Variants in MAJIN observed in about 807,000 individuals in gnomAD.
MAJIN encodes the protein membrane-anchored junction protein.
Under a neutral mutation model 30.2 loss-of-function variants are expected in MAJIN, and 27 were observed. That is an observed-to-expected ratio of 0.89 (90% confidence interval 0.66 to 1.23). The LOEUF is 1.23. Among genes scored for constraint, MAJIN ranks in the 50% most tolerant of loss-of-function variants. The pLI is 0.00. For synonymous variants in MAJIN, 78 were observed against 91.6 expected, an observed-to-expected ratio of 0.85 and a Z score of 0.85; for missense variants, 253 against 260.3, an observed-to-expected ratio of 0.97 and a Z score of 0.19.
At chr11:64,939,222 C>T (rs571911637) in intron 10 of MAJIN, among the ~76,000 whole-genome samples, 4 of 152,330 alleles carry the variant, frequency 2.6e-5, no homozygotes, top group East Asian at 1.9e-4. Flanking sequence ...CTCAGCCTCC[C>T]TCCCAAGTAG....
At chr11:64,954,856 G>C in intron 3 of MAJIN, 54 bp from the exon 4 acceptor site, 1 of 1,501,094 alleles carries the variant, frequency 6.7e-7, no homozygotes, top group South Asian at 1.3e-5. Context: ...GCTCTGGAGA[G>C]AGTAGACTCT....
At chr11:64,968,632 A>C (rs879623804) in intron 1 of MAJIN, among the ~76,000 whole-genome samples, 1 of 151,684 alleles carries the variant, frequency 6.6e-6, no homozygotes, top group Non-Finnish European at 1.5e-5. Context: ...CAGGAGATCG[A>C]GACCATCCTG....
Position 64,938,358 on chromosome 11 carries a change from C to A in MAJIN, c.*217G>T. On this transcript the variant is annotated 3_prime_UTR_variant, in exon 11 of 11. Coordinates refer to ENST00000301896, the MANE Select transcript of MAJIN (RefSeq NM_001037225.3). The stretch of plus-strand genomic sequence containing the variant: ...AATGTTTTAAATTGGGGGAAAAAAT[C>A]TATTATAAAGGGGCAAAGGACACGA... 1 of 669,466 alleles carries A rather than the reference C, an allele frequency of 1.5e-6. No homozygotes were observed. Among genetic ancestry groups the A allele is most frequent in the Non-Finnish European group, 2.4e-6 (1 of 412,868 alleles). The allele number at this position is 669,466 out of a possible 1,614,324, so 41.5% of individuals were successfully genotyped here. A position where few individuals can be genotyped will look rare whatever the true frequency, so the allele number is the denominator to read the frequency against.
At chr11:64,954,525 A>G (rs1434700328) in intron 4 of MAJIN, 1 of 625,928 alleles carries the variant, frequency 1.6e-6, no homozygotes, top group Non-Finnish European at 2.9e-6. Flanking sequence ...GTGAAAACAA[A>G]AAGCTCTCAG....
intron 1 of MAJIN, among the ~76,000 whole-genome samples, chr11:64,963,017 C>T (rs1945752169): frequency 6.6e-6 from 1 of 152,082 alleles, no homozygotes; most frequent in African/African-American, 2.4e-5. Context: ...ATCCCAGCTA[C>T]TCGGGAGGCT....
intron 2 of MAJIN, 114 bp downstream of exon 2, chr11:64,959,975 T>C (rs1427702044): frequency 6.6e-6 from 1 of 152,384 alleles, no homozygotes; most frequent in African/African-American, 2.4e-5. Flanking sequence ...ACTCATGTTT[T>C]TGAGTGGCAC....
chr11:64,939,868 C>T lies in MAJIN; in HGVS notation c.547-101G>A, dbSNP rs141859360. ...CCAGTATGAGCCAGAGGCAGTCTCA[C>T]GCCAAGAGTTCTTTAAAGCCAGATG... On this transcript the variant is annotated intron_variant, in intron 9 of 10. Coordinates refer to ENST00000301896, the MANE Select transcript of MAJIN (RefSeq NM_001037225.3). 40 of 979,632 alleles carry T rather than the reference C, an allele frequency of 4.1e-5. No individual in the cohort carries two copies. The East Asian group carries it at 6.3e-4, about 16-fold the overall frequency. The allele number at this position is 979,632 out of a possible 1,614,324, so 60.7% of individuals were successfully genotyped here.
chr11:64,946,486 C>T (rs759110248), intron 8 of MAJIN, among the ~76,000 whole-genome samples: 1 of 152,186 alleles, frequency 6.6e-6, no homozygotes, highest in Non-Finnish European at 1.5e-5. Context: ...TCGAATGGAA[C>T]AAAGCAAAGC....
At chr11:64,943,970 A>C (rs938628032) in intron 8 of MAJIN, among the ~76,000 whole-genome samples, 5 of 152,246 alleles carry the variant, frequency 3.3e-5, no homozygotes, top group African/African-American at 1.2e-4. Context: ...AGCTGGCCAC[A>C]GCACAACTGG....
At chr11:64,962,291 G>A (rs1429815700) in intron 1 of MAJIN, among the ~76,000 whole-genome samples, 1 of 152,222 alleles carries the variant, frequency 6.6e-6, no homozygotes, top group African/African-American at 2.4e-5. Flanking sequence ...ATTGCTGGCT[G>A]CCCGATTCAG....
At chr11:64,965,133 C>G (rs1014572250) in intron 1 of MAJIN, among the ~76,000 whole-genome samples, 11 of 152,024 alleles carry the variant, frequency 7.2e-5, no homozygotes, top group African/African-American at 2.4e-4. Flanking sequence ...ATAAGACTAC[C>G]CAGAATACTT....
intron 1 of MAJIN, among the ~76,000 whole-genome samples, chr11:64,963,944 T>G (rs1236395533): frequency 2.0e-5 from 3 of 152,182 alleles, no homozygotes; most frequent in Non-Finnish European, 4.4e-5. Flanking sequence ...GACTAGCTGC[T>G]CCTTCCACAT....
chr11:64,944,258 C>T (rs1007702931), intron 8 of MAJIN, among the ~76,000 whole-genome samples: 1 of 152,236 alleles, frequency 6.6e-6, no homozygotes, highest in African/African-American at 2.4e-5. Flanking sequence ...ATTCGGACTT[C>T]TCCAGTAACA....
intron 6 of MAJIN, among the ~76,000 whole-genome samples, chr11:64,948,146 G>A (rs190833030): frequency 5.3e-5 from 8 of 152,042 alleles, no homozygotes; most frequent in African/African-American, 1.9e-4. Context: ...GCCTAGCCAC[G>A]ATGCTGTTTT....
intron 8 of MAJIN, chr11:64,945,993 T>A (rs1945445549): frequency 1.6e-6 from 2 of 1,221,708 alleles, no homozygotes; most frequent in Non-Finnish European, 2.2e-6. Context: ...AAAACCAAGA[T>A]GTGCTGGTAA....
intron 1 of MAJIN, among the ~76,000 whole-genome samples, chr11:64,970,124 G>A (rs1945874851): frequency 1.3e-5 from 2 of 152,100 alleles, no homozygotes; most frequent in Non-Finnish European, 2.9e-5. Flanking sequence ...AGCACTTTGG[G>A]AGGCCAAAGT....
intron 1 of MAJIN, among the ~76,000 whole-genome samples, chr11:64,964,549 T>C (rs558650033): frequency 1.3e-5 from 2 of 152,220 alleles, no homozygotes; most frequent in South Asian, 4.1e-4. Flanking sequence ...CCACTCTGCG[T>C]GACAAAGGCA....
At chr11:64,938,840 A>G (rs1945328027) in intron 10 of MAJIN, among the ~76,000 whole-genome samples, 2 of 152,230 alleles carry the variant, frequency 1.3e-5, no homozygotes, top group Non-Finnish European at 2.9e-5. Context: ...CACAACCTAG[A>G]TTCAGAGGGG....
At position 64,959,198 on chromosome 11, in the gene MAJIN, C is replaced by G. The variant is rs183712979; in HGVS notation, c.101+107G>C. ...GGAAAGACAGTCCTGCAAGATGCTA[C>G]TTTACCAGTCTCCTGAACTGGGTGA... On this transcript the variant is annotated intron_variant, in intron 3 of 10. Transcript: ENST00000301896. 39 of 722,336 alleles carry G rather than the reference C, an allele frequency of 5.4e-5. No individual in the cohort carries two copies. In the East Asian group the frequency reaches 1.1e-3, roughly 21 times the overall value. The allele number at this position is 722,336 out of a possible 1,614,324, so 44.7% of individuals were successfully genotyped here. A position where few individuals can be genotyped will look rare whatever the true frequency, so the allele number is the denominator to read the frequency against.
Sources: gnomAD v4.1 joint callset for allele counts (sites outside exome capture counted in the v4.1 genomes callset) on GRCh38, gnomAD v4.1.1 for gene constraint, MANE v1.5 for transcripts, NCBI Gene and HGNC (gene_info 2026-07-23, HGNC 2026-07-21) for gene names.